Variants in SPAG16 observed in about 807,000 individuals in gnomAD.
SPAG16 encodes the protein sperm-associated antigen 16 protein.
SPAG16 carries 86 observed loss-of-function variants against 80.4 expected under a neutral mutation model. The observed-to-expected ratio is 1.07, with a 90% CI of 0.90 to 1.28. SPAG16 has a LOEUF of 1.28. Among genes scored for constraint, SPAG16 ranks in the 50% most tolerant of loss-of-function variants. SPAG16 has a pLI of 0.00. For missense variants in SPAG16, 870 were observed against 765.3 expected (o/e 1.14, Z -1.61); for synonymous variants, 294 against 265.9 (o/e 1.11, Z -1.03).
intron 12 of SPAG16, among the ~76,000 whole-genome samples, chr2:213,979,543 A>G (rs2106408631): frequency 6.6e-6 from 1 of 152,210 alleles, no homozygotes; most frequent in Non-Finnish European, 1.5e-5. Flanking sequence ...AGCAGGATGG[A>G]GTGAGTGCAA....
intron 10 of SPAG16, among the ~76,000 whole-genome samples, chr2:213,662,938 C>A (rs1163933749): frequency 1.3e-5 from 2 of 151,846 alleles, no homozygotes; most frequent in African/African-American, 4.8e-5. Context: ...GTTGTAATAA[C>A]CTGTAATGTA....
chr2:214,202,882 G>C (rs1181449899), intron 15 of SPAG16, among the ~76,000 whole-genome samples: 1 of 152,172 alleles, frequency 6.6e-6, no homozygotes, highest in Non-Finnish European at 1.5e-5. Context: ...AAGCATCACA[G>C]ATGTTTTCCG....
chr2:214,342,061 GAAA>G (rs35779841), intron 15 of SPAG16, among the ~76,000 whole-genome samples: 1 of 151,708 alleles, frequency 6.6e-6, no homozygotes, highest in Non-Finnish European at 1.5e-5. Context: ...GAAACTCCAA[GAAA>G]AAAAACAAAA....
chr2:213,284,831 C>A, intron 1 of SPAG16: 1 of 633,350 alleles, frequency 1.6e-6, no homozygotes, highest in Non-Finnish European at 2.6e-6. Context: ...TGTCCTGTAC[C>A]TGTTAGAAGA....
At chr2:214,262,811 TATAA>T (rs1576625412) in intron 15 of SPAG16, among the ~76,000 whole-genome samples, 1 of 152,270 alleles carries the variant, frequency 6.6e-6, no homozygotes. Context: ...TGCTCTACTA[TATAA>T]ATAACCTTTT....
At chr2:214,380,698 G>GT (rs767542503) in intron 15 of SPAG16, among the ~76,000 whole-genome samples, 19 of 152,282 alleles carry the variant, frequency 1.2e-4, no homozygotes, top group Non-Finnish European at 2.2e-4. Flanking sequence ...TTCACAAAAC[G>GT]TTTTTTCACG....
chr2:213,502,541 A>C (rs886848915), intron 10 of SPAG16, among the ~76,000 whole-genome samples: 3 of 152,246 alleles, frequency 2.0e-5, no homozygotes, highest in Admixed American at 6.5e-5. Context: ...TAATAGGCTA[A>C]ATAAAAATGT....
chr2:213,533,574 A>T (rs1371298652), intron 10 of SPAG16, among the ~76,000 whole-genome samples: 1 of 152,114 alleles, frequency 6.6e-6, no homozygotes, highest in East Asian at 1.9e-4. Flanking sequence ...ATTGTAATAT[A>T]TTTTTTTAAA....
intron 10 of SPAG16, among the ~76,000 whole-genome samples, chr2:213,768,477 GC>G (rs1172532435): frequency 2.0e-5 from 3 of 152,088 alleles, no homozygotes; most frequent in Non-Finnish European, 4.4e-5. Flanking sequence ...TCACAAGACA[GC>G]ACTATATATG....
At chr2:213,545,321 A>G (rs2076577649) in intron 10 of SPAG16, among the ~76,000 whole-genome samples, 1 of 151,902 alleles carries the variant, frequency 6.6e-6, no homozygotes, top group Non-Finnish European at 1.5e-5. Flanking sequence ...TTATTTTCTT[A>G]TTGTTGAGTT....
intron 15 of SPAG16, among the ~76,000 whole-genome samples, chr2:214,288,159 A>T (rs1693507247): frequency 6.6e-6 from 1 of 150,862 alleles, no homozygotes; most frequent in Non-Finnish European, 1.5e-5. Context: ...CCACGTATGC[A>T]TGAAAACATA....
At chr2:213,870,696 G>A (rs940552047) in intron 11 of SPAG16, among the ~76,000 whole-genome samples, 1 of 152,114 alleles carries the variant, frequency 6.6e-6, no homozygotes, top group Non-Finnish European at 1.5e-5. Context: ...ATCAGCATTT[G>A]GTAAAAATAG....
chr2:213,410,963 C>G lies in SPAG16; in HGVS notation c.942+35844C>G, dbSNP rs544551501. 5.9e-5 allele frequency among the ~76,000 whole-genome samples: 9 copies of G among 152,344 alleles called. No homozygotes were observed. The South Asian group carries it at 8.3e-4, about 14-fold the overall frequency. On this transcript the variant is annotated intron_variant, in intron 9 of 15. Coordinates refer to ENST00000331683, the MANE Select transcript of SPAG16 (RefSeq NM_024532.5). ...CCAACAGTAAGTTAACTTTGTGTCT[C>G]TCATGACAGGGAGGAAACCTAGTGT...
At chr2:213,414,939 T>G (rs973445494) in intron 9 of SPAG16, among the ~76,000 whole-genome samples, 31 of 152,208 alleles carry the variant, frequency 2.0e-4, no homozygotes, top group Admixed American at 2.0e-4. Context: ...AAAGAGAGAA[T>G]GAGGAAGATG....
chr2:214,056,798 T>C (rs1172651864), intron 13 of SPAG16, among the ~76,000 whole-genome samples: 1 of 152,216 alleles, frequency 6.6e-6, no homozygotes, highest in Non-Finnish European at 1.5e-5. Flanking sequence ...GTCAATCCTC[T>C]CAAACCCTTC....
At chr2:214,058,933 C>A (rs2050085698) in intron 13 of SPAG16, among the ~76,000 whole-genome samples, 2 of 151,980 alleles carry the variant, frequency 1.3e-5, no homozygotes, top group African/African-American at 2.4e-5. Context: ...TTAATGAATT[C>A]TTGACTTGTT....
At chr2:214,371,506 T>C (rs1295334685) in intron 15 of SPAG16, among the ~76,000 whole-genome samples, 1 of 131,354 alleles carries the variant, frequency 7.6e-6, no homozygotes, top group Non-Finnish European at 1.6e-5. Flanking sequence ...CACTCCAGCC[T>C]GGGCCGTAAG....
intron 9 of SPAG16, among the ~76,000 whole-genome samples, chr2:213,476,746 G>A (rs897676631): frequency 6.6e-6 from 1 of 152,188 alleles, no homozygotes; most frequent in Non-Finnish European, 1.5e-5. Context: ...GCGGGGCCCA[G>A]TGGCATTTTC....
chr2:213,713,055 C>A (rs185381577), intron 10 of SPAG16, among the ~76,000 whole-genome samples: 1 of 152,136 alleles, frequency 6.6e-6, no homozygotes, highest in Non-Finnish European at 1.5e-5. Flanking sequence ...GAGTGCCGAG[C>A]GCAGTGGGGG....
Sources: allele counts gnomAD v4.1 joint callset (sites outside exome capture counted in the v4.1 genomes callset), GRCh38; gene constraint gnomAD v4.1.1; transcripts MANE v1.5; gene names NCBI Gene and HGNC (gene_info 2026-07-23, HGNC 2026-07-21).